The following TAL2 variants were observed in gnomAD, a reference collection of about 807,000 sequenced individuals.
TAL2 encodes the protein T-cell acute lymphocytic leukemia protein 2.
For synonymous variants in TAL2, 48 were observed against 52.4 expected, an observed-to-expected ratio of 0.92 and a Z score of 0.36; for missense variants, 114 against 129.6, an observed-to-expected ratio of 0.88 and a Z score of 0.58.
In TAL2 at chr9:105,662,647, A is replaced by T; in HGVS notation, c.151A>T (p.Ile51Phe). The T allele has an allele frequency of 6.2e-7, 1 of 1,614,040 alleles. No individual in the cohort carries two copies. The highest frequency in any genetic ancestry group is 8.5e-7 in the Non-Finnish European group (1 of 1,179,988). The change falls in exon 1 of 1, where the codon ATC becomes TTC. Residue 51 changes from isoleucine to phenylalanine, a missense_variant. Coordinates refer to ENST00000334077, the MANE Select transcript of TAL2 (RefSeq NM_005421.3). Reference protein sequence around the residue: ...NETLRLAMRYINFLVKVLGEQ... With the variant: ...NETLRLAMRYFNFLVKVLGEQ... ...AACGCTTCGCCTGGCAATGAGGTAT[A>T]TCAACTTCTTGGTCAAGGTCTTGGG...
At position 105,662,787 on chromosome 9, in the gene TAL2, G is replaced by A; in HGVS notation, c.291G>A (p.Gln97=). 6.6e-7 allele frequency: 1 copy of A among 1,525,270 alleles called. No individual in the cohort carries two copies. The highest frequency in any genetic ancestry group is 2.1e-5 in the Admixed American group (1 of 46,858). The allele number at this position is 1,525,270 out of a possible 1,614,324, so 94.5% of individuals were successfully genotyped here. A position where few individuals can be genotyped will look rare whatever the true frequency, so the allele number is the denominator to read the frequency against. The stretch of plus-strand genomic sequence containing the variant: ...ACAGAACTCTGCTTGAGAACTACCA[G>A]GTTCCTTCACCTGGTCCAAGCCACC... The part of the protein sequence containing the change: ...LEDRTLLENY[Q]VPSPGPSHHI... Residue 97 remains glutamine, a synonymous_variant, in exon 1 of 1, where the codon CAG becomes CAA. Coordinates refer to ENST00000334077, the MANE Select transcript of TAL2 (RefSeq NM_005421.3).
rs1834851942 is a variant in TAL2 at position 105,662,489 on chromosome 9, A to G, written c.-8A>G. 6.3e-7 allele frequency: 1 copy of G among 1,588,698 alleles called. No individual in the cohort carries two copies. The highest frequency in any genetic ancestry group is 1.8e-5 in the Admixed American group (1 of 55,104). ...GGCCCTTTCTCTTTCCATCTCAGGA[A>G]CTCAAACATGACCAGGAAGATCTTC... is the stretch of plus-strand genomic sequence containing the variant. On this transcript the variant is annotated 5_prime_UTR_variant, in exon 1 of 1. Coordinates refer to ENST00000334077, the MANE Select transcript of TAL2 (RefSeq NM_005421.3).
At position 105,663,043 on chromosome 9, in the gene TAL2, T is replaced by C. The variant is rs1046293581; in HGVS notation, c.*220T>C. The C allele has an allele frequency of 4.5e-5, 18 of 402,120 alleles. No individual in the cohort carries two copies. The Admixed American group carries it at 4.9e-4, about 11-fold the overall frequency. The allele number at this position is 402,120 out of a possible 1,614,324, so 24.9% of individuals were successfully genotyped here. The stretch of plus-strand genomic sequence containing the variant: ...CCCAGGGATGTCAGGTAGAGCGGCC[T>C]ACCTCTGCCTATTTTAAATCCAGGT... On this transcript the variant is annotated 3_prime_UTR_variant, in exon 1 of 1. Coordinates refer to ENST00000334077, the MANE Select transcript of TAL2 (RefSeq NM_005421.3).
In TAL2 at chr9:105,662,965, G is replaced by A; in HGVS notation, c.*142G>A. On this transcript the variant is annotated 3_prime_UTR_variant, in exon 1 of 1. Transcript: ENST00000334077. Reference sequence around the variant, plus strand: ...CTTCCTGGGAGGTGGCTCAGAGACAGCTGCAGGGAGCTGAAAGAAGCCATG... The same window carrying A: ...CTTCCTGGGAGGTGGCTCAGAGACAACTGCAGGGAGCTGAAAGAAGCCATG... 1 of 616,350 alleles carries A rather than the reference G, an allele frequency of 1.6e-6. No homozygotes were observed. Among genetic ancestry groups the A allele is most frequent in the Non-Finnish European group, 2.4e-6 (1 of 408,254 alleles). 38.2% of individuals were successfully genotyped at this position (616,350 alleles called of 1,614,324 possible).
At position 105,662,753 on chromosome 9, in the gene TAL2, G is replaced by A; in HGVS notation, c.257G>A (p.Gly86Asp). 1 of 1,575,056 alleles carries A rather than the reference G, an allele frequency of 6.3e-7. No homozygotes were observed. Among genetic ancestry groups the A allele is most frequent in the South Asian group, 1.2e-5 (1 of 83,728 alleles). ...GLFPQGPHLP[G>D]LEDRTLLENY... ...TTCCCTCAAGGACCCCACCTGCCAGGCCTGGAGGACAGAACTCTGCTTGAG... is the reference window on the plus strand; with the variant it reads ...TTCCCTCAAGGACCCCACCTGCCAGACCTGGAGGACAGAACTCTGCTTGAG... Residue 86 changes from glycine to aspartate, a missense_variant, in exon 1 of 1, where the codon GGC becomes GAC. Transcript: ENST00000334077.
chr9:105,662,524 A>C lies in TAL2; in HGVS notation c.28A>C (p.Arg10=), dbSNP rs1445143062. 4 of 1,609,680 alleles carry C rather than the reference A, an allele frequency of 2.5e-6. No individual in the cohort carries two copies. Residue 10 remains arginine (R), a synonymous_variant, in exon 1 of 1, where the codon AGG becomes CGG. Transcript: ENST00000334077. MTRKIFTNT[R]ERWRQQNVNS... is the part of the protein sequence containing the mutation. ...GACCAGGAAGATCTTCACAAATACC[A>C]GGGAGCGGTGGAGGCAGCAGAATGT...
At position 105,662,741 on chromosome 9, in the gene TAL2, C is replaced by T; in HGVS notation, c.245C>T (p.Pro82Leu). 1 of 1,588,042 alleles carries T rather than the reference C, an allele frequency of 6.3e-7. No individual in the cohort carries two copies. Among genetic ancestry groups the T allele is most frequent in the Non-Finnish European group, 8.6e-7 (1 of 1,167,068 alleles). ...ATTCTGGGGCTCTTCCCTCAAGGAC[C>T]CCACCTGCCAGGCCTGGAGGACAGA... ...GNILGLFPQG[P>L]HLPGLEDRTL... The change falls in exon 1 of 1, where the codon CCC (proline) becomes CTC (leucine). Residue 82 changes from proline (P) to leucine (L), a missense_variant. Coordinates refer to ENST00000334077, the MANE Select transcript of TAL2 (RefSeq NM_005421.3).
In TAL2 at chr9:105,662,897, TC is replaced by T; in HGVS notation, c.*76del. On this transcript the variant is annotated 3_prime_UTR_variant, in exon 1 of 1. Transcript: ENST00000334077. ...TGCCTGTGGACAGACTTTTGCATGT[TC>T]CAGAGTTGACCTGATGATAACTCGT... 8.2e-7 allele frequency: 1 copy of T among 1,212,808 alleles called. No homozygotes were observed. The highest frequency in any genetic ancestry group is 1.1e-6 in the Non-Finnish European group (1 of 918,280). 75.1% of individuals were successfully genotyped at this position (1,212,808 alleles called of 1,614,324 possible).
Position 105,662,521 on chromosome 9 carries a change from A to G in TAL2, c.25A>G (p.Thr9Ala). MTRKIFTN[T>A]RERWRQQNVN... ...CATGACCAGGAAGATCTTCACAAAT[A>G]CCAGGGAGCGGTGGAGGCAGCAGAA... is the stretch of plus-strand genomic sequence containing the variant. The change falls in exon 1 of 1, where the codon ACC becomes GCC. Residue 9 changes from threonine (T) to alanine (A), a missense_variant. Physicochemically the swap from Thr to Ala is moderately conservative, Grantham distance 58. Coordinates refer to ENST00000334077, the MANE Select transcript of TAL2 (RefSeq NM_005421.3). 1 of 1,608,866 alleles carries G rather than the reference A, an allele frequency of 6.2e-7. No homozygotes were observed. Among genetic ancestry groups the G allele is most frequent in the Non-Finnish European group, 8.5e-7 (1 of 1,178,398 alleles).
chr9:105,662,887 T>A lies in TAL2; in HGVS notation c.*64T>A. On this transcript the variant is annotated 3_prime_UTR_variant, in exon 1 of 1. Transcript: ENST00000334077. The stretch of plus-strand genomic sequence containing the variant: ...CAGAAATCACTGCCTGTGGACAGAC[T>A]TTTGCATGTTCCAGAGTTGACCTGA... 1 of 1,301,058 alleles carries A rather than the reference T, an allele frequency of 7.7e-7. No homozygotes were observed. Among genetic ancestry groups the A allele is most frequent in the African/African-American group, 1.5e-5 (1 of 66,326 alleles). The allele number at this position is 1,301,058 out of a possible 1,614,324, so 80.6% of individuals were successfully genotyped here.
rs1834858480 is a variant in TAL2 at position 105,662,936 on chromosome 9, C to T, written c.*113C>T. On this transcript the variant is annotated 3_prime_UTR_variant, in exon 1 of 1. Coordinates refer to ENST00000334077, the MANE Select transcript of TAL2 (RefSeq NM_005421.3). ...GATGATAACTCGTGAAGCATGAATT[C>T]TAGCTTCCTGGGAGGTGGCTCAGAG... is the stretch of plus-strand genomic sequence containing the variant. The T allele has an allele frequency of 8.0e-6, 7 of 871,718 alleles. No homozygotes were observed. The South Asian group carries it at 3.4e-4, about 43-fold the overall frequency. The allele number at this position is 871,718 out of a possible 1,614,324, so 54.0% of individuals were successfully genotyped here.
rs559732899 is a variant in TAL2 at position 105,663,119 on chromosome 9, T to G, written c.*296T>G. 2.3e-4 allele frequency: 72 copies of G among 306,820 alleles called. No individual in the cohort carries two copies. The highest frequency in any genetic ancestry group is 3.8e-4 in the Non-Finnish European group (63 of 163,896). The allele number at this position is 306,820 out of a possible 1,614,324, so 19.0% of individuals were successfully genotyped here. On this transcript the variant is annotated 3_prime_UTR_variant, in exon 1 of 1. Transcript: ENST00000334077. ...ATTCTAAATAAAAAAAAAAAAAGGCTGAAAATCACTGTTTATACTCAATGT... is the reference window on the plus strand; with the variant it reads ...ATTCTAAATAAAAAAAAAAAAAGGCGGAAAATCACTGTTTATACTCAATGT...
chr9:105,662,465 G>A lies in TAL2; in HGVS notation c.-32G>A. 8.4e-6 allele frequency: 13 copies of A among 1,549,562 alleles called. No individual in the cohort carries two copies. Among genetic ancestry groups the A allele is most frequent in the African/African-American group, 1.4e-5 (1 of 72,562 alleles). On this transcript the variant is annotated 5_prime_UTR_variant, in exon 1 of 1. Coordinates refer to ENST00000334077, the MANE Select transcript of TAL2 (RefSeq NM_005421.3). ...CTCTTATAAGATATTGGCCCTGAGG[G>A]CCCTTTCTCTTTCCATCTCAGGAAC...
At position 105,662,464 on chromosome 9, in the gene TAL2, G is replaced by C; in HGVS notation, c.-33G>C. ...CCTCTTATAAGATATTGGCCCTGAGGGCCCTTTCTCTTTCCATCTCAGGAA... is the reference window on the plus strand; with the variant it reads ...CCTCTTATAAGATATTGGCCCTGAGCGCCCTTTCTCTTTCCATCTCAGGAA... On this transcript the variant is annotated 5_prime_UTR_variant, in exon 1 of 1. Coordinates refer to ENST00000334077, the MANE Select transcript of TAL2 (RefSeq NM_005421.3). 1.3e-6 allele frequency: 2 copies of C among 1,547,828 alleles called. No homozygotes were observed. The highest frequency in any genetic ancestry group is 8.7e-7 in the Non-Finnish European group (1 of 1,149,030).
chr9:105,663,009 C>A lies in TAL2; in HGVS notation c.*186C>A. 2.3e-6 allele frequency: 1 copy of A among 442,624 alleles called. No individual in the cohort carries two copies. Among genetic ancestry groups the A allele is most frequent in the Non-Finnish European group, 3.9e-6 (1 of 254,222 alleles). 27.4% of individuals were successfully genotyped at this position (442,624 alleles called of 1,614,324 possible). A position where few individuals can be genotyped will look rare whatever the true frequency, so the allele number is the denominator to read the frequency against. On this transcript the variant is annotated 3_prime_UTR_variant, in exon 1 of 1. Transcript: ENST00000334077. ...AGCCATGAGGAATGTCACTTGTGGG[C>A]CGCCACCCCCCAGGGATGTCAGGTA...
Position 105,662,639 on chromosome 9 carries a change from T to C in TAL2, c.143T>C (p.Met48Thr). ...LSKNETLRLA[M>T]RYINFLVKVL... ...AAAAATGAAACGCTTCGCCTGGCAA[T>C]GAGGTATATCAACTTCTTGGTCAAG... The change falls in exon 1 of 1, where the codon ATG becomes ACG. Residue 48 changes from methionine (M) to threonine (T), a missense_variant. Physicochemically the swap from Met to Thr is moderately conservative, Grantham distance 81. Transcript: ENST00000334077. The C allele has an allele frequency of 1.2e-6, 2 of 1,613,976 alleles. No individual in the cohort carries two copies. Among genetic ancestry groups the C allele is most frequent in the East Asian group, 4.5e-5 (2 of 44,874 alleles).
At position 105,662,553 on chromosome 9, in the gene TAL2, CAGCGCCTTTGCCA is replaced by C. The variant is rs760788087; in HGVS notation, c.61_73del (p.Ala21Ter). The C allele has an allele frequency of 3.1e-6, 5 of 1,613,710 alleles. No homozygotes were observed. In the African/African-American group the frequency reaches 6.7e-5, roughly 22 times the overall value. On this transcript the variant is annotated frameshift_variant, in exon 1 of 1. Transcript: ENST00000334077. LOFTEE classifies it high-confidence loss of function. ...AGCGGTGGAGGCAGCAGAATGTCAA[CAGCGCCTTTGCCA>C]AGCTGAGGAAGCTCATCCCCACTCA... is the stretch of plus-strand genomic sequence containing the variant.
In TAL2 at chr9:105,662,916, T is replaced by C; in HGVS notation, c.*93T>C. On this transcript the variant is annotated 3_prime_UTR_variant, in exon 1 of 1. Transcript: ENST00000334077. ...GCATGTTCCAGAGTTGACCTGATGATAACTCGTGAAGCATGAATTCTAGCT... is the reference window on the plus strand; with the variant it reads ...GCATGTTCCAGAGTTGACCTGATGACAACTCGTGAAGCATGAATTCTAGCT... The C allele has an allele frequency of 9.9e-7, 1 of 1,005,644 alleles. No homozygotes were observed. Among genetic ancestry groups the C allele is most frequent in the Non-Finnish European group, 1.3e-6 (1 of 747,850 alleles). The allele number at this position is 1,005,644 out of a possible 1,614,324, so 62.3% of individuals were successfully genotyped here.
In TAL2 at chr9:105,663,101, AT is replaced by A. The variant is rs1384974387; in HGVS notation, c.*279del. ...AAGACTTTTGGAGAAAAAATTCTAA[AT>A]AAAAAAAAAAAAAGGCTGAAAATCA... On this transcript the variant is annotated 3_prime_UTR_variant, in exon 1 of 1. Transcript: ENST00000334077. The A allele has an allele frequency of 3.9e-5, 13 of 332,824 alleles. No homozygotes were observed. 20.6% of individuals were successfully genotyped at this position (332,824 alleles called of 1,614,324 possible).
Sources: allele counts gnomAD v4.1 joint callset, GRCh38; gene constraint gnomAD v4.1.1; transcripts MANE v1.5; gene names NCBI Gene and HGNC (gene_info 2026-07-23, HGNC 2026-07-21).